The following SFXN1 variants were observed in gnomAD, a reference collection of about 807,000 sequenced individuals.
SFXN1 encodes the protein sideroflexin 1, also known as sideroflexin-1.
In SFXN1, 32 loss-of-function variants were observed where a neutral mutation model predicts 39.5. That is an observed-to-expected ratio of 0.81 (90% CI 0.61 to 1.09). SFXN1 has a LOEUF of 1.09. SFXN1 is among the 50% of genes least tolerant of loss of function. SFXN1 has a pLI of 0.00. For synonymous variants in SFXN1, 136 were observed against 146.5 expected (o/e 0.93, Z 0.52); for missense variants, 402 against 407.1 (o/e 0.99, Z 0.11).
chr5:175,497,369 A>G (rs1277548643), intron 2 of SFXN1, among the ~76,000 whole-genome samples: 1 of 152,244 alleles, frequency 6.6e-6, no homozygotes, highest in Non-Finnish European at 1.5e-5. Flanking sequence ...GCCAATATAT[A>G]GTTCTAGTGG....
At chr5:175,483,739 T>G (rs1217530857) in intron 1 of SFXN1, 1 of 152,392 alleles carries the variant, frequency 6.6e-6, no homozygotes, top group African/African-American at 2.4e-5. Flanking sequence ...TAGGTCCCTC[T>G]GTGTCTCTGG....
At chr5:175,490,833 A>G (rs1759627178) in intron 1 of SFXN1, among the ~76,000 whole-genome samples, 1 of 151,898 alleles carries the variant, frequency 6.6e-6, no homozygotes, top group South Asian at 2.1e-4. Flanking sequence ...GGCCACAAGG[A>G]TGCTCATGAA....
Position 175,529,529 on chromosome 5 carries a change from G to A in SFXN1, c.*2795G>A, listed in dbSNP as rs926585882. On this transcript the variant is annotated 3_prime_UTR_variant, in exon 11 of 11. Coordinates refer to ENST00000321442, the MANE Select transcript of SFXN1 (RefSeq NM_022754.7). ...CGATCTTTTAGAAATACCTTTTCTG[G>A]AGAAAAAAAAATCCACATGAAGTGC... 1 of 146,292 alleles carries A rather than the reference G, an allele frequency of 6.8e-6. No individual in the cohort carries two copies. Among genetic ancestry groups the A allele is most frequent in the African/African-American group, 2.4e-5 (1 of 40,830 alleles). The allele number at this position is 146,292 out of a possible 1,614,324, so 9.1% of individuals were successfully genotyped here.
intron 2 of SFXN1, among the ~76,000 whole-genome samples, chr5:175,493,596 C>T (rs10070863): frequency 0.011 from 1,658 of 152,186 alleles, 27 homozygotes; most frequent in African/African-American, 0.038. Flanking sequence ...CAGGCAAAAG[C>T]CGTAGAAAGC....
At chr5:175,479,767 A>C (rs1452852516) in intron 1 of SFXN1, among the ~76,000 whole-genome samples, 3 of 151,692 alleles carry the variant, frequency 2.0e-5, no homozygotes, top group African/African-American at 7.3e-5. Flanking sequence ...TCCGTAGGCA[A>C]CTCTTTTCTG....
At chr5:175,478,951 C>G (rs1271963382) in intron 1 of SFXN1, among the ~76,000 whole-genome samples, 2 of 152,134 alleles carry the variant, frequency 1.3e-5, no homozygotes, top group Non-Finnish European at 2.9e-5. Flanking sequence ...CGCCTGGCCG[C>G]GCTGTCTTCG....
At chr5:175,516,496 C>T (rs1008388727) in intron 7 of SFXN1, 118 bp from the exon 8 acceptor site, 8 of 780,532 alleles carry the variant, frequency 1.0e-5, no homozygotes, top group Admixed American at 5.0e-5. Context: ...ACTGTTTTTA[C>T]TGTGACAGTG....
chr5:175,503,295 C>G (rs1248252669), intron 2 of SFXN1, among the ~76,000 whole-genome samples: 1 of 152,080 alleles, frequency 6.6e-6, no homozygotes, highest in East Asian at 1.9e-4. Context: ...AAATGCTTCC[C>G]GATTCATTGC....
At chr5:175,492,551 G>A (rs893688314) in intron 2 of SFXN1, 3 of 253,816 alleles carry the variant, frequency 1.2e-5, no homozygotes, top group South Asian at 8.7e-5. Context: ...TCTGTTCTCC[G>A]ATAGCACCAC....
intron 1 of SFXN1, among the ~76,000 whole-genome samples, chr5:175,485,170 T>C (rs1204829985): frequency 6.6e-6 from 1 of 152,376 alleles, no homozygotes; most frequent in South Asian, 2.1e-4. Context: ...GATTATCAAA[T>C]CCAGTTGGTA....
intron 2 of SFXN1, 121 bp downstream of exon 2, chr5:175,492,388 CAA>C (rs11318563): frequency 0.14 from 88,866 of 614,106 alleles, 1,026 homozygotes; most frequent in Admixed American, 0.16. Context: ...TTCTTTTGAC[CAA>C]AAAAAAAAAA....
chr5:175,522,466 T>G (rs1406256739), intron 10 of SFXN1, 44 bp downstream of exon 10: 1 of 1,578,844 alleles, frequency 6.3e-7, no homozygotes, highest in Non-Finnish European at 8.6e-7. Flanking sequence ...GTATTAATCC[T>G]AAAAACCAAT....
At chr5:175,495,654 G>A (rs1392691788) in intron 2 of SFXN1, among the ~76,000 whole-genome samples, 3 of 151,590 alleles carry the variant, frequency 2.0e-5, no homozygotes, top group Admixed American at 6.6e-5. Context: ...ACTAGAACCC[G>A]GGAGGCGGAG....
At chr5:175,517,644 C>T (rs1381113912) in intron 8 of SFXN1, among the ~76,000 whole-genome samples, 1 of 152,190 alleles carries the variant, frequency 6.6e-6, no homozygotes, top group Non-Finnish European at 1.5e-5. Context: ...GCATTTCACC[C>T]ATGTAGAGAG....
chr5:175,502,174 T>C (rs1241898702), intron 2 of SFXN1, among the ~76,000 whole-genome samples: 2 of 152,162 alleles, frequency 1.3e-5, no homozygotes, highest in Non-Finnish European at 2.9e-5. Flanking sequence ...CAAACACTGA[T>C]CTTAGGTTTT....
chr5:175,506,375 G>A (rs1340687909), intron 2 of SFXN1, among the ~76,000 whole-genome samples: 1 of 152,090 alleles, frequency 6.6e-6, no homozygotes, highest in African/African-American at 2.4e-5. Flanking sequence ...ATGCTGCTGT[G>A]GATGGTAATT....
chr5:175,505,311 CATCACCT>C (rs1760246413), intron 2 of SFXN1, among the ~76,000 whole-genome samples: 1 of 151,520 alleles, frequency 6.6e-6, no homozygotes. Flanking sequence ...GAGGCAGGGG[CATCACCT>C]GAGGTTAAGA....
chr5:175,506,663 T>C (rs1438266275), intron 2 of SFXN1, among the ~76,000 whole-genome samples: 5 of 151,926 alleles, frequency 3.3e-5, no homozygotes, highest in Non-Finnish European at 5.9e-5. Flanking sequence ...AAAAAGTTGG[T>C]GTATTCATTT....
rs779820099 is a variant in SFXN1, at chr5:175,492,290, G to A, written c.164+23G>A. On this transcript the variant is annotated intron_variant, in intron 2 of 10. Coordinates refer to ENST00000321442, the MANE Select transcript of SFXN1 (RefSeq NM_022754.7). ...CAGGTAACATTAATTATTGTTTTTT[G>A]GTTTAATGTATAAATAGATCATCAT... 1.9e-6 allele frequency: 3 copies of A among 1,580,846 alleles called. No homozygotes were observed. In the Admixed American group the frequency reaches 5.3e-5, roughly 28 times the overall value.
Sources: allele counts gnomAD v4.1 joint callset (sites outside exome capture counted in the v4.1 genomes callset), GRCh38; gene constraint gnomAD v4.1.1; transcripts MANE v1.5; gene names NCBI Gene and HGNC (gene_info 2026-07-23, HGNC 2026-07-21).